TMEM272: variants seen among roughly 807,000 people sequenced by gnomAD.
The protein encoded by TMEM272 is transmembrane protein 272.
TMEM272 carries 8 observed loss-of-function variants against 3.7 expected under a neutral mutation model. The observed-to-expected ratio is 2.17, with a 90% CI of 1.27 to 3.91. TMEM272 has a LOEUF of 3.91. Among genes scored for constraint, TMEM272 ranks in the 30% most tolerant of loss-of-function variants. The pLI, the probability that TMEM272 is intolerant of heterozygous loss-of-function variation, is 0.00. For missense variants in TMEM272, 166 were observed against 91.5 expected, an observed-to-expected ratio of 1.81 and a Z score of -3.32; for synonymous variants, 63 against 39.8, an observed-to-expected ratio of 1.58 and a Z score of -2.20.
At chr13:51,880,321 A>T in the TMEM272 span, among the ~76,000 whole-genome samples, 1 of 152,140 alleles carries the variant, frequency 6.6e-6, no homozygotes, top group Non-Finnish European at 1.5e-5. Context: ...CTAAGCTGTG[A>T]ACAAAGAAAG....
At chr13:51,921,374 C>A in the TMEM272 span, 1 of 152,222 alleles carries the variant, frequency 6.6e-6, no homozygotes, top group African/African-American at 2.4e-5. Context: ...CTCCAGGAGG[C>A]TCCCAAAGTC....
At chr13:51,904,351 G>C in the TMEM272 span, among the ~76,000 whole-genome samples, 1 of 152,094 alleles carries the variant, frequency 6.6e-6, no homozygotes, top group Non-Finnish European at 1.5e-5. Context: ...ATGACTGCTT[G>C]GTGGCTAGCT....
At chr13:51,848,843 T>A (rs1956318625), upstream of TMEM272, among the ~76,000 whole-genome samples, 1 of 152,194 alleles carries the variant, frequency 6.6e-6, no homozygotes, top group African/African-American at 2.4e-5. Flanking sequence ...TTTGTCTTCG[T>A]CTTTGCTTGT....
At chr13:51,864,263 CAAAG>C in the TMEM272 span, among the ~76,000 whole-genome samples, 3 of 152,090 alleles carry the variant, frequency 2.0e-5, no homozygotes, top group Admixed American at 2.0e-4. Context: ...CGCCACCAAG[CAAAG>C]AAAGAGTCCT....
the TMEM272 span, chr13:51,865,647 A>G: frequency 6.2e-7 from 1 of 1,614,164 alleles, no homozygotes; most frequent in South Asian, 1.1e-5. Context: ...TGGGAAGAGG[A>G]GAGACCTTTC....
At chr13:51,901,407 G>A in the TMEM272 span, among the ~76,000 whole-genome samples, 2 of 152,006 alleles carry the variant, frequency 1.3e-5, no homozygotes, top group African/African-American at 2.4e-5. Flanking sequence ...GAGGGGTGGC[G>A]CCCGGTGGAG....
chr13:51,879,752 G>A, the TMEM272 span, among the ~76,000 whole-genome samples: 4 of 152,280 alleles, frequency 2.6e-5, no homozygotes, highest in African/African-American at 4.8e-5. Flanking sequence ...AACGGGCATC[G>A]TCCTCAAAGA....
At chr13:51,930,135 C>G in the TMEM272 span, among the ~76,000 whole-genome samples, 5 of 152,238 alleles carry the variant, frequency 3.3e-5, no homozygotes, top group East Asian at 5.8e-4. Context: ...CTTCCCCCCC[C>G]CCACTTTCTA....
At chr13:51,865,299 C>G in the TMEM272 span, 1 of 1,191,272 alleles carries the variant, frequency 8.4e-7, no homozygotes, top group Non-Finnish European at 1.2e-6. Flanking sequence ...GCATGTGATA[C>G]TCATAGATCT....
the TMEM272 span, among the ~76,000 whole-genome samples, chr13:51,851,503 G>A: frequency 1.4e-5 from 2 of 146,434 alleles, no homozygotes; most frequent in Admixed American, 6.8e-5. Flanking sequence ...AAATCAGCAC[G>A]AAAAGACCTT....
the TMEM272 span, among the ~76,000 whole-genome samples, chr13:51,907,181 C>G: frequency 6.6e-6 from 1 of 152,152 alleles, no homozygotes; most frequent in Non-Finnish European, 1.5e-5. Context: ...CTGTCTTGAA[C>G]GGCCTTTGAC....
chr13:51,829,876 G>A (rs1956158322), intron 2 of TMEM272, among the ~76,000 whole-genome samples: 1 of 152,072 alleles, frequency 6.6e-6, no homozygotes, highest in African/African-American at 2.4e-5. Flanking sequence ...ATGGAAGAAG[G>A]GTACTCTGAC....
chr13:51,884,579 C>T, the TMEM272 span, among the ~76,000 whole-genome samples: 2 of 152,122 alleles, frequency 1.3e-5, no homozygotes, highest in Non-Finnish European at 2.9e-5. Flanking sequence ...GACTCCTGAC[C>T]CCTCCACCTG....
intron 3 of TMEM272, among the ~76,000 whole-genome samples, chr13:51,822,515 A>G (rs1956088769): frequency 6.6e-6 from 1 of 152,202 alleles, no homozygotes; most frequent in Non-Finnish European, 1.5e-5. Context: ...TTTTCTTGAT[A>G]TGCTTAAAAT....
chr13:51,909,150 T>G, the TMEM272 span: 2 of 1,427,108 alleles, frequency 1.4e-6, no homozygotes, highest in Non-Finnish European at 9.9e-7. Flanking sequence ...AAGTTTAATT[T>G]TAAACTCTGT....
At chr13:51,818,534 A>C (rs1956053628) in intron 4 of TMEM272, among the ~76,000 whole-genome samples, 1 of 152,198 alleles carries the variant, frequency 6.6e-6, no homozygotes, top group Non-Finnish European at 1.5e-5. Flanking sequence ...TTGTACAAAA[A>C]TAGACCCTGG....
the TMEM272 span, chr13:51,908,916 T>C: frequency 4.3e-4 from 599 of 1,395,168 alleles, no homozygotes; most frequent in East Asian, 5.2e-3. Flanking sequence ...TCCTCTTTCC[T>C]TGGTAATCTG....
chr13:51,874,837 G>C, the TMEM272 span, among the ~76,000 whole-genome samples: 3 of 152,204 alleles, frequency 2.0e-5, no homozygotes, highest in Admixed American at 6.5e-5. Context: ...TGGCTGCGCT[G>C]TCTGTGCCTG....
the TMEM272 span, among the ~76,000 whole-genome samples, chr13:51,927,323 G>A: frequency 4.6e-5 from 7 of 152,034 alleles, no homozygotes; most frequent in Admixed American, 1.3e-4. Flanking sequence ...CGGCCCACTC[G>A]CTGCTGTGAT....
Sources: gnomAD v4.1 joint callset for allele counts (sites outside exome capture counted in the v4.1 genomes callset) on GRCh38, gnomAD v4.1.1 for gene constraint, MANE v1.5 for transcripts, NCBI Gene and HGNC (gene_info 2026-07-23, HGNC 2026-07-21) for gene names.